The following ORC2 variants were observed in gnomAD, a reference collection of about 807,000 sequenced individuals.
ORC2 encodes the protein origin recognition complex subunit 2, also known as origin recognition complex protein 2 homolog.
ORC2 carries 37 observed loss-of-function variants against 77.7 expected under a neutral mutation model. That is an observed-to-expected ratio of 0.48 (90% CI 0.37 to 0.63). The LOEUF (loss-of-function observed/expected upper bound fraction) is 0.63, where lower values mean the gene tolerates loss of function less well. Among genes scored for constraint, ORC2 ranks in the 20% least tolerant of loss-of-function variants. The pLI is 0.00. For synonymous variants in ORC2, 201 were observed against 229.5 expected (o/e 0.88, Z 1.12); for missense variants, 557 against 661.9 (o/e 0.84, Z 1.74).
chr2:200,960,235 C>T (rs988061180), intron 1 of ORC2, among the ~76,000 whole-genome samples: 1 of 152,222 alleles, frequency 6.6e-6, no homozygotes, highest in Non-Finnish European at 1.5e-5. Context: ...ACCTCTACCT[C>T]CCAAACTGCT....
intron 13 of ORC2, among the ~76,000 whole-genome samples, chr2:200,925,576 C>T (rs2040826695): frequency 6.6e-6 from 1 of 151,846 alleles, no homozygotes. Context: ...CTCATCTCTA[C>T]AAATAATAAA....
chr2:200,953,487 T>A (rs2041405064), intron 4 of ORC2, among the ~76,000 whole-genome samples: 2 of 151,802 alleles, frequency 1.3e-5, no homozygotes. Flanking sequence ...ACACTGTAGG[T>A]TGATATGTAA....
At chr2:200,956,098 C>T (rs577894967) in intron 4 of ORC2, among the ~76,000 whole-genome samples, 2 of 152,156 alleles carry the variant, frequency 1.3e-5, no homozygotes, top group African/African-American at 2.4e-5. Context: ...CCTAGGGTCT[C>T]GCTTTGTCAC....
intron 2 of ORC2, among the ~76,000 whole-genome samples, chr2:200,959,034 A>T (rs13413306): frequency 0.28 from 42,153 of 151,616 alleles, 8,234 homozygotes; most frequent in African/African-American, 0.55. Context: ...TTCTTTTTTT[A>T]TTGAGACAGG....
At chr2:200,913,054 C>T (rs2040578597) in intron 17 of ORC2, among the ~76,000 whole-genome samples, 1 of 152,238 alleles carries the variant, frequency 6.6e-6, no homozygotes, top group East Asian at 1.9e-4. Flanking sequence ...TTTGACTCAC[C>T]ATGTTTCTAA....
chr2:200,917,634 G>A (rs572200567), intron 15 of ORC2, among the ~76,000 whole-genome samples: 7 of 152,124 alleles, frequency 4.6e-5, no homozygotes, highest in African/African-American at 7.2e-5. Flanking sequence ...TTACACACAC[G>A]AGTGCAGCAT....
intron 1 of ORC2, among the ~76,000 whole-genome samples, chr2:200,962,017 A>T (rs1304685845): frequency 6.6e-6 from 1 of 152,250 alleles, no homozygotes; most frequent in Non-Finnish European, 1.5e-5. Context: ...TTGCCTGGAG[A>T]GAGGCAGCCT....
chr2:200,925,524 G>C (rs1388255002), intron 13 of ORC2, among the ~76,000 whole-genome samples: 2 of 152,146 alleles, frequency 1.3e-5, no homozygotes, highest in Non-Finnish European at 2.9e-5. Context: ...AGGACTGCTT[G>C]AGCCCAGAAG....
intron 1 of ORC2, among the ~76,000 whole-genome samples, chr2:200,959,652 T>C (rs764316252): frequency 2.7e-4 from 41 of 152,138 alleles, no homozygotes; most frequent in Middle Eastern, 6.8e-3. Flanking sequence ...CTGGATGGAG[T>C]GGGAAGAGAG....
chr2:200,927,690 T>TA (rs1040713288), intron 11 of ORC2, among the ~76,000 whole-genome samples: 6 of 149,342 alleles, frequency 4.0e-5, no homozygotes, highest in Admixed American at 6.7e-5. Flanking sequence ...ACAGTGTCTG[T>TA]AAAAAAAAAT....
At position 200,918,607 on chromosome 2, in the gene ORC2, G is replaced by A. The variant is rs2040700632; in HGVS notation, c.1466+1615C>T. Among the ~76,000 whole-genome samples, 3 of 149,716 alleles carry A rather than the reference G, an allele frequency of 2.0e-5. No individual in the cohort carries two copies. In the South Asian group the frequency reaches 6.3e-4, roughly 32 times the overall value. On this transcript the variant is annotated intron_variant, in intron 15 of 17. Transcript: ENST00000234296. ...GGGTTCAAGCGATTCTCCCACTTCA[G>A]CCTCCCAAGTAGCTGGGATTACAGG...
intron 5 of ORC2, 148 bp downstream of exon 5, chr2:200,949,406 T>G (rs1441183378): frequency 1.7e-6 from 1 of 584,676 alleles, no homozygotes; most frequent in Non-Finnish European, 3.1e-6. Context: ...CATCCTTCTT[T>G]TAGGGAACGT....
chr2:200,920,359 CCA>C lies in ORC2; in HGVS notation c.1327_1328del (p.Trp443AlafsTer4). ...WDHAKQSLFN[W>X]LWYETTTYSP... ...TGTATGTAGTAGTTTCATACCAGAG[CCA>C]GTTAAAAAGACTCTGCTTTGCATGA... On this transcript the variant is annotated frameshift_variant, in exon 15 of 18. Transcript: ENST00000234296. LOFTEE classifies it high-confidence loss of function. 6.2e-7 allele frequency: 1 copy of C among 1,606,756 alleles called. No homozygotes were observed. Among genetic ancestry groups the C allele is most frequent in the Admixed American group, 1.7e-5 (1 of 59,626 alleles).
At chr2:200,917,253 T>G (rs1184621736) in intron 15 of ORC2, among the ~76,000 whole-genome samples, 1 of 151,978 alleles carries the variant, frequency 6.6e-6, no homozygotes, top group East Asian at 1.9e-4. Context: ...CTTCAGCCTC[T>G]CAAAGTGCTG....
At position 200,928,692 on chromosome 2, in the gene ORC2, T is replaced by TC. The variant is rs1224462387; in HGVS notation, c.918-1793_918-1792insG. Among the ~76,000 whole-genome samples, 3 of 151,562 alleles carry TC rather than the reference T, an allele frequency of 2.0e-5. No individual in the cohort carries two copies. In the South Asian group the frequency reaches 6.3e-4, roughly 32 times the overall value. On this transcript the variant is annotated intron_variant, in intron 11 of 17. Coordinates refer to ENST00000234296, the MANE Select transcript of ORC2 (RefSeq NM_006190.5). ...AGCTGGGCGTGGTGGCAGGCACCTGTAGTCCCAGCTACTCAGGAGGCTGAG... is the reference window on the plus strand; with the variant it reads ...AGCTGGGCGTGGTGGCAGGCACCTGTCAGTCCCAGCTACTCAGGAGGCTGAG...
chr2:200,923,279 C>T (rs866469150), intron 13 of ORC2, among the ~76,000 whole-genome samples: 21 of 152,124 alleles, frequency 1.4e-4, no homozygotes, highest in African/African-American at 4.1e-4. Context: ...GACGGAGTCT[C>T]GCTCTGTTGC....
intron 5 of ORC2, among the ~76,000 whole-genome samples, chr2:200,949,065 C>T (rs2041301578): frequency 1.3e-5 from 2 of 151,246 alleles, no homozygotes; most frequent in Non-Finnish European, 2.9e-5. Context: ...ATGGTGAAAC[C>T]CCTTCTCTAC....
intron 7 of ORC2, among the ~76,000 whole-genome samples, chr2:200,939,301 T>C (rs1394326150): frequency 1.3e-5 from 2 of 152,160 alleles, no homozygotes; most frequent in Admixed American, 1.3e-4. Context: ...AACTTATATA[T>C]ATCTACACAG....
At chr2:200,914,024 C>G in intron 15 of ORC2, 32 bp from the exon 16 acceptor site, 2 of 1,372,488 alleles carry the variant, frequency 1.5e-6, no homozygotes, top group Admixed American at 2.1e-5. Context: ...AATTTAAATC[C>G]AAAAATGTTA....
Sources: gnomAD v4.1 joint callset for allele counts (sites outside exome capture counted in the v4.1 genomes callset) on GRCh38, gnomAD v4.1.1 for gene constraint, MANE v1.5 for transcripts, NCBI Gene and HGNC (gene_info 2026-07-23, HGNC 2026-07-21) for gene names.